Variants in ADCY2 observed in about 807,000 individuals in gnomAD.
ADCY2 encodes adenylate cyclase type 2.
In ADCY2, 31 loss-of-function variants were observed where a neutral mutation model predicts 125.2. That is an observed-to-expected ratio of 0.25 (90% CI 0.19 to 0.33). The LOEUF (loss-of-function observed/expected upper bound fraction) is 0.33. ADCY2 is among the 10% of genes least tolerant of loss of function. The probability of loss-of-function intolerance (pLI) is 1.00; values close to 1 mark genes in which losing one functional copy is unlikely to be tolerated. For missense variants in ADCY2, 904 were observed against 1,418.2 expected, an observed-to-expected ratio of 0.64 and a Z score of 5.82; for synonymous variants, 512 against 548.4, an observed-to-expected ratio of 0.93 and a Z score of 0.93.
chr5:7,771,473 G>T (rs923297573), intron 17 of ADCY2, among the ~76,000 whole-genome samples: 10 of 152,210 alleles, frequency 6.6e-5, no homozygotes, highest in Non-Finnish European at 1.5e-4. Flanking sequence ...CCTGAAGAGT[G>T]ACCCAGTTGA....
intron 21 of ADCY2, among the ~76,000 whole-genome samples, chr5:7,804,349 T>A (rs964921484): frequency 6.6e-6 from 1 of 152,250 alleles, no homozygotes; most frequent in African/African-American, 2.4e-5. Context: ...GTTTGAACGC[T>A]AATTCGTGTT....
intron 2 of ADCY2, among the ~76,000 whole-genome samples, chr5:7,435,650 A>T (rs1320499151): frequency 6.6e-6 from 1 of 152,226 alleles, no homozygotes; most frequent in East Asian, 1.9e-4. Context: ...GAATGTGTTG[A>T]CTATTAAAAT....
intron 2 of ADCY2, among the ~76,000 whole-genome samples, chr5:7,420,336 G>A (rs1030527561): frequency 6.6e-5 from 10 of 152,138 alleles, no homozygotes; most frequent in Non-Finnish European, 1.2e-4. Context: ...GAAGAGTGAT[G>A]TTGGCAGTTT....
intron 1 of ADCY2, among the ~76,000 whole-genome samples, chr5:7,398,593 C>T (rs554378918): frequency 5.3e-5 from 8 of 152,344 alleles, no homozygotes; most frequent in Admixed American, 1.3e-4. Context: ...GGTCCAGAGA[C>T]AGTGAAATGA....
intron 18 of ADCY2, among the ~76,000 whole-genome samples, chr5:7,777,362 C>T (rs933118520): frequency 4.6e-5 from 7 of 152,220 alleles, no homozygotes; most frequent in African/African-American, 1.7e-4. Flanking sequence ...GTGCCTGCAA[C>T]TGTGCCTGGC....
At chr5:7,516,325 A>C (rs1384309654) in intron 2 of ADCY2, among the ~76,000 whole-genome samples, 1 of 152,246 alleles carries the variant, frequency 6.6e-6, no homozygotes, top group African/African-American at 2.4e-5. Flanking sequence ...CCCAATTTTT[A>C]TAAATATGAC....
At chr5:7,525,121 G>A (rs1450357858) in intron 3 of ADCY2, among the ~76,000 whole-genome samples, 2 of 152,066 alleles carry the variant, frequency 1.3e-5, no homozygotes, top group Non-Finnish European at 2.9e-5. Context: ...TCCTGTCTCA[G>A]CCTCCCAAGT....
intron 3 of ADCY2, among the ~76,000 whole-genome samples, chr5:7,612,283 C>A (rs879470000): frequency 2.6e-5 from 4 of 152,186 alleles, no homozygotes; most frequent in Non-Finnish European, 4.4e-5. Flanking sequence ...AAAGACAAGT[C>A]TTTTTGCACT....
chr5:7,588,502 G>T (rs747968380), intron 3 of ADCY2, among the ~76,000 whole-genome samples: 1 of 152,206 alleles, frequency 6.6e-6, no homozygotes, highest in Non-Finnish European at 1.5e-5. Context: ...TATGGGTTAA[G>T]AACCAGTGGA....
At chr5:7,708,248 A>G (rs1488706584) in intron 9 of ADCY2, 1 of 155,704 alleles carries the variant, frequency 6.4e-6, no homozygotes, top group Non-Finnish European at 1.4e-5. Flanking sequence ...TAGGATGAAC[A>G]TATACAAAAA....
At chr5:7,642,187 G>GTT (rs745314284) in intron 4 of ADCY2, among the ~76,000 whole-genome samples, 1 of 152,090 alleles carries the variant, frequency 6.6e-6, no homozygotes, top group Non-Finnish European at 1.5e-5. Context: ...CAGCATGTGT[G>GTT]TTTTTTTGAC....
intron 3 of ADCY2, among the ~76,000 whole-genome samples, chr5:7,547,920 C>T (rs969919257): frequency 5.9e-5 from 9 of 152,224 alleles, no homozygotes; most frequent in Non-Finnish European, 1.2e-4. Flanking sequence ...TACACTATTT[C>T]CTGTGCTCTG....
chr5:7,432,222 T>G (rs1038989055), intron 2 of ADCY2, among the ~76,000 whole-genome samples: 6 of 152,116 alleles, frequency 3.9e-5, no homozygotes, highest in African/African-American at 1.4e-4. Flanking sequence ...AGAGCCACTT[T>G]CATTGGCAAT....
intron 2 of ADCY2, among the ~76,000 whole-genome samples, chr5:7,477,696 A>G (rs974807962): frequency 6.6e-6 from 1 of 152,170 alleles, no homozygotes; most frequent in Non-Finnish European, 1.5e-5. Flanking sequence ...GTGTTTTTAG[A>G]TAAAATACCT....
intron 4 of ADCY2, among the ~76,000 whole-genome samples, chr5:7,640,862 C>A (rs1738678349): frequency 6.6e-6 from 1 of 152,062 alleles, no homozygotes; most frequent in South Asian, 2.1e-4. Context: ...GGATAATGGG[C>A]TAGATTGTCT....
intron 3 of ADCY2, among the ~76,000 whole-genome samples, chr5:7,539,599 A>G (rs10035541): frequency 0.38 from 57,897 of 152,086 alleles, 12,385 homozygotes; most frequent in Non-Finnish European, 0.48. Flanking sequence ...GAAGTTGTCA[A>G]TAGGTATTTC....
At chr5:7,585,512 G>A (rs1355506000) in intron 3 of ADCY2, among the ~76,000 whole-genome samples, 1 of 152,156 alleles carries the variant, frequency 6.6e-6, no homozygotes, top group Non-Finnish European at 1.5e-5. Context: ...ATCATCAACT[G>A]GAATGAATGC....
intron 4 of ADCY2, among the ~76,000 whole-genome samples, chr5:7,641,925 T>C (rs1395156907): frequency 6.6e-6 from 1 of 152,326 alleles, no homozygotes; most frequent in African/African-American, 2.4e-5. Flanking sequence ...CAATCCACCA[T>C]TGATGGGCTT....
chr5:7,697,471 T>C (rs1740931768), intron 6 of ADCY2, among the ~76,000 whole-genome samples: 1 of 152,168 alleles, frequency 6.6e-6, no homozygotes, highest in African/African-American at 2.4e-5. Context: ...AACCTTACAC[T>C]AAGGAACTCA....
Sources: gnomAD v4.1 joint callset for allele counts (sites outside exome capture counted in the v4.1 genomes callset) on GRCh38, gnomAD v4.1.1 for gene constraint, MANE v1.5 for transcripts, NCBI Gene and HGNC (gene_info 2026-07-23, HGNC 2026-07-21) for gene names.